The following COPS2 variants were observed in gnomAD, a reference collection of about 807,000 sequenced individuals.
The protein encoded by COPS2 is COP9 signalosome subunit 2.
Under a neutral mutation model 66.1 loss-of-function variants are expected in COPS2, and 10 were observed. That is an observed-to-expected ratio of 0.15 (90% CI 0.09 to 0.26). COPS2 has a LOEUF of 0.26. Among genes scored for constraint, COPS2 ranks in the 10% least tolerant of loss-of-function variants. The pLI is 1.00. For synonymous variants in COPS2, 179 were observed against 171.3 expected (o/e 1.04, Z -0.35); for missense variants, 215 against 513.3 (o/e 0.42, Z 5.62).
chr15:49,124,033 A>C lies in COPS2; in HGVS notation c.*3917T>G, dbSNP rs941023433. The C allele has an allele frequency of 6.6e-6, 1 of 152,224 alleles. No individual in the cohort carries two copies. Among genetic ancestry groups the C allele is most frequent in the Non-Finnish European group, 1.5e-5 (1 of 68,046 alleles). The allele number at this position is 152,224 out of a possible 1,614,324, so 9.4% of individuals were successfully genotyped here. On this transcript the variant is annotated 3_prime_UTR_variant, in exon 13 of 13. Transcript: ENST00000388901. Reference sequence around the variant, plus strand: ...ATTTAATAATCTCGAGTTAAAGAGAACCTCCAATTTGTCTTCGTTACGAAA... The same window carrying C: ...ATTTAATAATCTCGAGTTAAAGAGACCCTCCAATTTGTCTTCGTTACGAAA...
rs578200589 is a variant in COPS2, at chr15:49,151,954, T to C, written c.54+3571A>G. On this transcript the variant is annotated intron_variant, in intron 1 of 12. Coordinates refer to ENST00000388901, the MANE Select transcript of COPS2 (RefSeq NM_004236.4). ...ATCCTAACTACCTATTTCTACCAGA[T>C]TGGGGAAGAACAAAGTGATTTAGGG... 2.6e-5 allele frequency among the ~76,000 whole-genome samples: 4 copies of C among 151,934 alleles called. No individual in the cohort carries two copies. The East Asian group carries it at 7.7e-4, about 29-fold the overall frequency.
intron 9 of COPS2, among the ~76,000 whole-genome samples, chr15:49,131,611 C>T (rs1210163923): frequency 1.3e-5 from 2 of 151,824 alleles, no homozygotes; most frequent in African/African-American, 2.4e-5. Context: ...ATTAGGGGCA[C>T]GTGATTCAAG....
At chr15:49,146,818 A>G (rs1461256920) in intron 1 of COPS2, among the ~76,000 whole-genome samples, 1 of 152,102 alleles carries the variant, frequency 6.6e-6, no homozygotes, top group Non-Finnish European at 1.5e-5. Flanking sequence ...CTCTCCTCAA[A>G]AATGGTTCCT....
intron 9 of COPS2, among the ~76,000 whole-genome samples, chr15:49,133,073 C>A (rs2084224571): frequency 6.6e-6 from 1 of 150,526 alleles, no homozygotes; most frequent in Non-Finnish European, 1.5e-5. Context: ...ACTGCCACCT[C>A]TGCCTCCCGG....
Position 49,155,581 on chromosome 15 carries a change from T to C in COPS2, c.-3A>G, listed in dbSNP as rs1470787993. 6.2e-7 allele frequency: 1 copy of C among 1,614,086 alleles called. No individual in the cohort carries two copies. Among genetic ancestry groups the C allele is most frequent in the African/African-American group, 1.3e-5 (1 of 75,060 alleles). On this transcript the variant is annotated 5_prime_UTR_variant, in exon 1 of 13. Coordinates refer to ENST00000388901, the MANE Select transcript of COPS2 (RefSeq NM_004236.4). ...AAATCATCCTCCATGTCAGACATCT[T>C]GGCCGGGAGGGGGAGGAGAAATTGG...
intron 6 of COPS2, among the ~76,000 whole-genome samples, chr15:49,135,805 T>C (rs2084246345): frequency 6.6e-6 from 1 of 152,214 alleles, no homozygotes; most frequent in South Asian, 2.1e-4. Context: ...TCCTGCATCT[T>C]TCCCTGAACA....
rs769626565 is a variant in COPS2 at position 49,128,109 on chromosome 15, A to G, written c.1188-15T>C. ...CATGAATAGTGCTAGAAAGAAATAA[A>G]TAAGATGTGTCTACAAAAGACTTTC... On this transcript the variant is annotated splice_polypyrimidine_tract_variant and intron_variant, in intron 12 of 12. Coordinates refer to ENST00000388901, the MANE Select transcript of COPS2 (RefSeq NM_004236.4). 3.1e-6 allele frequency: 5 copies of G among 1,611,392 alleles called. 1 individual carries two copies. In the South Asian group the frequency reaches 3.3e-5, roughly 11 times the overall value.
intron 9 of COPS2, among the ~76,000 whole-genome samples, 194 bp downstream of exon 9, chr15:49,133,565 A>C (rs75150185): frequency 1.6e-5 from 2 of 126,066 alleles, no homozygotes; most frequent in Non-Finnish European, 3.6e-5. Context: ...AACTAAGTAG[A>C]TACTTTATAA....
intron 9 of COPS2, among the ~76,000 whole-genome samples, chr15:49,132,106 T>C (rs968086025): frequency 1.4e-4 from 21 of 152,190 alleles, no homozygotes; most frequent in African/African-American, 4.6e-4. Context: ...TCAATATTTC[T>C]TAGAGTTTTA....
chr15:49,130,783 T>C lies in COPS2; in HGVS notation c.981A>G (p.Glu327=). 2 of 1,601,532 alleles carry C rather than the reference T, an allele frequency of 1.2e-6. No individual in the cohort carries two copies. The highest frequency in any genetic ancestry group is 2.2e-5 in the East Asian group (1 of 44,628). Residue 327 remains glutamate (E), a synonymous_variant, in exon 10 of 13, where the codon GAA becomes GAG. Coordinates refer to ENST00000388901, the MANE Select transcript of COPS2 (RefSeq NM_004236.4). ...AYQNNDITEF[E]KILKTNHSNI... ...TGCTGTGATTTGTTTTTAGAATCTT[T>C]TCAAATTCAGTGATGTCATTATTCT...
chr15:49,129,726 C>T (rs1040879023), intron 10 of COPS2, among the ~76,000 whole-genome samples, 167 bp from the exon 11 acceptor site: 4 of 152,078 alleles, frequency 2.6e-5, no homozygotes, highest in Non-Finnish European at 5.9e-5. Context: ...ACAGTATGAT[C>T]AGCTGCTGCC....
intron 1 of COPS2, among the ~76,000 whole-genome samples, chr15:49,145,923 G>A (rs1220448207): frequency 2.0e-5 from 3 of 152,134 alleles, no homozygotes; most frequent in Admixed American, 2.0e-4. Flanking sequence ...TTCCTTCTCA[G>A]CTTTAAGTCA....
intron 1 of COPS2, among the ~76,000 whole-genome samples, chr15:49,154,727 T>C (rs78453822): frequency 0.024 from 3,626 of 152,308 alleles, 61 homozygotes; most frequent in Middle Eastern, 0.092. Context: ...CATTAATAAA[T>C]GAAGCTTTGA....
chr15:49,132,928 T>C (rs1315282692), intron 9 of COPS2, among the ~76,000 whole-genome samples: 4 of 152,250 alleles, frequency 2.6e-5, no homozygotes, highest in African/African-American at 9.6e-5. Flanking sequence ...CTTGGGTTTC[T>C]TACCAGTACG....
At chr15:49,150,777 A>T (rs2084354669) in intron 1 of COPS2, among the ~76,000 whole-genome samples, 1 of 152,156 alleles carries the variant, frequency 6.6e-6, no homozygotes, top group Non-Finnish European at 1.5e-5. Context: ...GGGAGGAGGG[A>T]GAGCAGCAGA....
chr15:49,137,544 A>T, intron 4 of COPS2, 107 bp from the exon 5 acceptor site: 3 of 781,614 alleles, frequency 3.8e-6, no homozygotes, highest in Non-Finnish European at 6.5e-6. Flanking sequence ...TAATACACAT[A>T]AGATACACTA....
intron 9 of COPS2, among the ~76,000 whole-genome samples, chr15:49,131,600 T>C (rs544040259): frequency 1.8e-4 from 27 of 152,102 alleles, no homozygotes; most frequent in African/African-American, 5.3e-4. Flanking sequence ...TGTAACCTCA[T>C]ATTAGGGGCA....
In COPS2 at chr15:49,127,733, C is replaced by A; in HGVS notation, c.*217G>T. The A allele has an allele frequency of 2.1e-6, 1 of 485,774 alleles. No homozygotes were observed. Among genetic ancestry groups the A allele is most frequent in the Non-Finnish European group, 3.6e-6 (1 of 274,012 alleles). 30.1% of individuals were successfully genotyped at this position (485,774 alleles called of 1,614,324 possible). ...GCAAGATGTCAATACAGCATAAATCCCATGGTATTTTGGTTTTCTTCTGGA... is the reference window on the plus strand; with the variant it reads ...GCAAGATGTCAATACAGCATAAATCACATGGTATTTTGGTTTTCTTCTGGA... On this transcript the variant is annotated 3_prime_UTR_variant, in exon 13 of 13. Coordinates refer to ENST00000388901, the MANE Select transcript of COPS2 (RefSeq NM_004236.4).
Position 49,126,396 on chromosome 15 carries a change from CTTGTT to C in COPS2, c.*1549_*1553del, listed in dbSNP as rs999888751. On this transcript the variant is annotated 3_prime_UTR_variant, in exon 13 of 13. Transcript: ENST00000388901. ...TTTTGACAAAACCGAATAAGCATGC[CTTGTT>C]TTAAGTCCATGCTCCTTCCACTGTT... 3 of 152,194 alleles carry C rather than the reference CTTGTT, an allele frequency of 2.0e-5. No homozygotes were observed. The highest frequency in any genetic ancestry group is 1.3e-4 in the Admixed American group (2 of 15,252). The allele number at this position is 152,194 out of a possible 1,614,324, so 9.4% of individuals were successfully genotyped here. A position where few individuals can be genotyped will look rare whatever the true frequency, so the allele number is the denominator to read the frequency against.
Sources: allele counts gnomAD v4.1 joint callset (sites outside exome capture counted in the v4.1 genomes callset), GRCh38; gene constraint gnomAD v4.1.1; transcripts MANE v1.5; gene names NCBI Gene and HGNC (gene_info 2026-07-23, HGNC 2026-07-21).